LARGE1: variants seen among roughly 807,000 people sequenced by gnomAD.
LARGE1 encodes xylosyl- and glucuronyltransferase LARGE1.
In LARGE1, 43 loss-of-function variants were observed where a neutral mutation model predicts 87.6. That is an observed-to-expected ratio of 0.49 (90% CI 0.38 to 0.63). The LOEUF is 0.63. Among genes scored for constraint, LARGE1 ranks in the 30% least tolerant of loss-of-function variants. The pLI is 0.00. For synonymous variants in LARGE1, 434 were observed against 394.6 expected, an observed-to-expected ratio of 1.10 and a Z score of -1.18; for missense variants, 802 against 1,000.2, an observed-to-expected ratio of 0.80 and a Z score of 2.67.
chr22:33,157,275 G>C (rs1472653617), downstream of LARGE1, among the ~76,000 whole-genome samples: 1 of 152,074 alleles, frequency 6.6e-6, no homozygotes, highest in Non-Finnish European at 1.5e-5. Flanking sequence ...TTAACCTTCT[G>C]GTCCTTTTTA....
intron 14 of LARGE1, 98 bp downstream of exon 14, chr22:33,276,961 CT>C: frequency 8.5e-7 from 1 of 1,181,816 alleles, no homozygotes. Flanking sequence ...CTTGTTCCCT[CT>C]TAGCTCTCTG....
At chr22:33,392,300 T>G (rs1023003879) in intron 7 of LARGE1, among the ~76,000 whole-genome samples, 22 of 152,118 alleles carry the variant, frequency 1.4e-4, no homozygotes, top group Middle Eastern at 3.2e-3. Flanking sequence ...TTTCTAAGCC[T>G]CAGATCCTTA....
chr22:33,765,389 A>G (rs1213491270), intron 1 of LARGE1, among the ~76,000 whole-genome samples: 1 of 152,138 alleles, frequency 6.6e-6, no homozygotes, highest in Non-Finnish European at 1.5e-5. Flanking sequence ...AGAAAAAAGT[A>G]CAATAGAAAG....
chr22:33,277,197 T>G lies in LARGE1; in HGVS notation c.1936A>C (p.Thr646Pro). ...PTNFAKWRTA[T>P]TPYRVEWEAD... ...TCCCACTCAACCCGGTAAGGCGTGG[T>G]GGCGGTCCGCCACTTGGCGAAGTTT... The change falls in exon 14 of 15, where the codon ACC becomes CCC. Residue 646 changes from threonine (T) to proline (P), a missense_variant. Transcript: ENST00000397394. The G allele has an allele frequency of 6.2e-7, 1 of 1,614,210 alleles. No individual in the cohort carries two copies.
At chr22:33,071,462 T>G in the LARGE1 span, among the ~76,000 whole-genome samples, 1 of 152,168 alleles carries the variant, frequency 6.6e-6, no homozygotes, top group Admixed American at 6.6e-5. Flanking sequence ...CTCTGAAATT[T>G]TTGTTGTAGG....
At chr22:33,767,013 T>C (rs1006082551) in intron 1 of LARGE1, among the ~76,000 whole-genome samples, 1 of 142,822 alleles carries the variant, frequency 7.0e-6, no homozygotes, top group African/African-American at 2.6e-5. Flanking sequence ...TTTTACAATT[T>C]AAAAGTTATT....
At chr22:33,093,818 CTTTCTTTT>C in the LARGE1 span, among the ~76,000 whole-genome samples, 500 of 120,470 alleles carry the variant, frequency 4.2e-3, 1 homozygote, top group African/African-American at 0.014. Flanking sequence ...TTTTTTCTTT[CTTTCTTTT>C]TTTTTTTTTT....
At chr22:33,285,580 C>T (rs762082103) in intron 12 of LARGE1, among the ~76,000 whole-genome samples, 3 of 152,116 alleles carry the variant, frequency 2.0e-5, no homozygotes, top group Non-Finnish European at 4.4e-5. Flanking sequence ...GCTGAGATCA[C>T]GCCACTGTGT....
chr22:33,128,502 A>G, the LARGE1 span, among the ~76,000 whole-genome samples: 56,098 of 151,346 alleles, frequency 0.37, 10,519 homozygotes, highest in South Asian at 0.46. Flanking sequence ...TGGTGAAACC[A>G]CGTCTCTATT....
At position 33,835,584 on chromosome 22, in the gene LARGE1, A is replaced by C. The variant is rs562758352; in HGVS notation, c.-82-74026T>G. On this transcript the variant is annotated intron_variant, in intron 1 of 14. Coordinates refer to ENST00000397394, the MANE Select transcript of LARGE1 (RefSeq NM_133642.5). ...TGAGAGCCTGGCAATATCCTCAAGC[A>C]CTCACTTATTCATGCTAAAGACTTG... Among the ~76,000 whole-genome samples, 5 of 152,298 alleles carry C rather than the reference A, an allele frequency of 3.3e-5. No homozygotes were observed. The East Asian group carries it at 7.7e-4, about 23-fold the overall frequency.
intron 2 of LARGE1, among the ~76,000 whole-genome samples, chr22:33,730,199 G>A (rs996994251): frequency 2.0e-5 from 3 of 151,970 alleles, no homozygotes; most frequent in Non-Finnish European, 4.4e-5. Context: ...ATGATGATCT[G>A]CTTCTACTTA....
chr22:33,384,170 AC>A (rs753051929), intron 8 of LARGE1, 21 bp downstream of exon 8: 1 of 1,525,856 alleles, frequency 6.6e-7, no homozygotes, highest in Non-Finnish European at 9.1e-7. Flanking sequence ...GAATAGCTGC[AC>A]CTTCGAACCT....
chr22:33,591,933 G>A (rs1288196775), intron 5 of LARGE1, among the ~76,000 whole-genome samples: 1 of 151,018 alleles, frequency 6.6e-6, no homozygotes, highest in African/African-American at 2.4e-5. Context: ...GGATGAGGCA[G>A]GAGGATTGCT....
At chr22:33,835,202 G>C (rs1269369426) in intron 1 of LARGE1, among the ~76,000 whole-genome samples, 3 of 152,178 alleles carry the variant, frequency 2.0e-5, no homozygotes, top group African/African-American at 7.2e-5. Flanking sequence ...CTTTATGGTG[G>C]TATAATATTT....
At chr22:33,356,245 A>T (rs1342981801) in intron 9 of LARGE1, among the ~76,000 whole-genome samples, 1 of 152,224 alleles carries the variant, frequency 6.6e-6, no homozygotes, top group Non-Finnish European at 1.5e-5. Context: ...ATAAAACTCA[A>T]AAGAGTTCAG....
intron 6 of LARGE1, among the ~76,000 whole-genome samples, chr22:33,455,896 A>T (rs1017305131): frequency 6.6e-6 from 1 of 152,170 alleles, no homozygotes; most frequent in Non-Finnish European, 1.5e-5. Flanking sequence ...GGTATTTGAA[A>T]CTGCATTGTG....
At chr22:33,241,581 T>C (rs1184504925) in intron 11 of LARGE1, among the ~76,000 whole-genome samples, 1 of 151,956 alleles carries the variant, frequency 6.6e-6, no homozygotes, top group Non-Finnish European at 1.5e-5. Context: ...TATGTGTGTA[T>C]ATGTGTGTGT....
chr22:33,729,567 G>A (rs2083388437), intron 2 of LARGE1, among the ~76,000 whole-genome samples: 1 of 152,198 alleles, frequency 6.6e-6, no homozygotes, highest in Admixed American at 6.5e-5. Context: ...ACTCTGGTCT[G>A]CTTCAAAGTA....
chr22:33,192,734 A>T (rs966870459), intron 11 of LARGE1, among the ~76,000 whole-genome samples: 19 of 152,186 alleles, frequency 1.2e-4, no homozygotes, highest in Non-Finnish European at 2.4e-4. Flanking sequence ...ATATTCAAAA[A>T]ATCTTTCCCC....
Sources: allele counts gnomAD v4.1 joint callset (sites outside exome capture counted in the v4.1 genomes callset), GRCh38; gene constraint gnomAD v4.1.1; transcripts MANE v1.5; gene names NCBI Gene and HGNC (gene_info 2026-07-23, HGNC 2026-07-21).